The following PRKAR1B variants were observed in gnomAD, a reference collection of about 807,000 sequenced individuals.
PRKAR1B encodes cAMP-dependent protein kinase type I-beta regulatory subunit.
PRKAR1B carries 22 observed loss-of-function variants against 46.5 expected under a neutral mutation model. That is an observed-to-expected ratio of 0.47 (90% CI 0.34 to 0.68). PRKAR1B has a LOEUF of 0.68. Among genes scored for constraint, PRKAR1B ranks in the 30% least tolerant of loss-of-function variants. The pLI, the probability that PRKAR1B is intolerant of heterozygous loss-of-function variation, is 0.01. For missense variants in PRKAR1B, 445 were observed against 535.6 expected (o/e 0.83, Z 1.67); for synonymous variants, 259 against 217.7 (o/e 1.19, Z -1.67).
At chr7:601,179 C>T (rs975412215) in intron 6 of PRKAR1B, among the ~76,000 whole-genome samples, 7 of 152,198 alleles carry the variant, frequency 4.6e-5, no homozygotes, top group East Asian at 1.9e-4. Context: ...CCACGGCAAA[C>T]GGCCGTCCCT....
intron 4 of PRKAR1B, among the ~76,000 whole-genome samples, chr7:649,560 C>T (rs1034147954): frequency 1.3e-5 from 2 of 151,800 alleles, no homozygotes; most frequent in African/African-American, 4.8e-5. Flanking sequence ...TATGTAGCGC[C>T]TTATTTATTT....
intron 8 of PRKAR1B, among the ~76,000 whole-genome samples, chr7:584,246 C>T (rs138133555): frequency 1.1e-3 from 172 of 152,318 alleles, no homozygotes; most frequent in African/African-American, 4.0e-3. Context: ...ACAGGAAACG[C>T]ACAGGATGGC....
At chr7:630,901 G>A (rs1053424910) in intron 4 of PRKAR1B, among the ~76,000 whole-genome samples, 5 of 151,938 alleles carry the variant, frequency 3.3e-5, no homozygotes, top group Admixed American at 3.3e-4. Context: ...AAACTCAGAA[G>A]CTCCCTGACC....
At chr7:620,017 CTT>C (rs71016891) in intron 4 of PRKAR1B, among the ~76,000 whole-genome samples, 1,534 of 130,946 alleles carry the variant, frequency 0.012, 14 homozygotes, top group South Asian at 0.019. Context: ...TACCCAGCTA[CTT>C]TTTTTTTTTT....
chr7:582,056 C>T (rs1331923419), intron 8 of PRKAR1B, among the ~76,000 whole-genome samples: 2 of 152,244 alleles, frequency 1.3e-5, no homozygotes, highest in Non-Finnish European at 2.9e-5. Context: ...CATCCCCATT[C>T]ACCATGTAAA....
rs1457911742 is a variant in PRKAR1B, at chr7:726,737, T to C, written c.-23+473A>G. Reference sequence around the variant, plus strand: ...GCGGGCAAGATGGCGGCGCTGGGGGTGGCGGAGGCCGTGGCGGCCCCACAC... The same window carrying C: ...GCGGGCAAGATGGCGGCGCTGGGGGCGGCGGAGGCCGTGGCGGCCCCACAC... On this transcript the variant is annotated intron_variant, in intron 1 of 10. Transcript: ENST00000537384. 1.9e-5 allele frequency: 24 copies of C among 1,243,146 alleles called. No individual in the cohort carries two copies. Among genetic ancestry groups the C allele is most frequent in the African/African-American group, 3.1e-5 (2 of 64,300 alleles). The allele number at this position is 1,243,146 out of a possible 1,614,324, so 77.0% of individuals were successfully genotyped here.
intron 9 of PRKAR1B, among the ~76,000 whole-genome samples, chr7:568,883 G>A (rs1284638073): frequency 3.3e-5 from 5 of 152,090 alleles, no homozygotes; most frequent in East Asian, 3.9e-4. Flanking sequence ...GCGGTGCCCC[G>A]AGATACGGGT....
intron 2 of PRKAR1B, among the ~76,000 whole-genome samples, chr7:709,636 C>T (rs534785063): frequency 6.6e-6 from 1 of 152,242 alleles, no homozygotes; most frequent in South Asian, 2.1e-4. Flanking sequence ...TCCCAAAGTG[C>T]TGGGATTACA....
intron 6 of PRKAR1B, among the ~76,000 whole-genome samples, chr7:597,728 G>A (rs1461909354): frequency 6.6e-6 from 1 of 152,208 alleles, no homozygotes; most frequent in Non-Finnish European, 1.5e-5. Context: ...GAAGCCGGGG[G>A]AAGGGCCTGC....
chr7:656,687 G>T (rs1161800048), intron 4 of PRKAR1B, among the ~76,000 whole-genome samples: 1 of 152,216 alleles, frequency 6.6e-6, no homozygotes, highest in Admixed American at 6.5e-5. Context: ...ATGGATTCAT[G>T]AGTGAATGGA....
Position 615,235 on chromosome 7 carries a change from C to T in PRKAR1B, c.441-7783G>A, listed in dbSNP as rs1161429920. Reference sequence around the variant, plus strand: ...GGTCGGAAGATCGAGACCATCCTGGCTAACATGGTGAAACCCCGTCTCTAC... The same window carrying T: ...GGTCGGAAGATCGAGACCATCCTGGTTAACATGGTGAAACCCCGTCTCTAC... On this transcript the variant is annotated intron_variant, in intron 4 of 10. Transcript: ENST00000537384. 2.7e-5 allele frequency among the ~76,000 whole-genome samples: 4 copies of T among 150,296 alleles called. 1 individual carries two copies. Among genetic ancestry groups the T allele is most frequent in the Admixed American group, 2.7e-4 (4 of 15,048 alleles).
chr7:582,713 G>A (rs1480960149), intron 8 of PRKAR1B, among the ~76,000 whole-genome samples: 1 of 152,206 alleles, frequency 6.6e-6, no homozygotes, highest in Non-Finnish European at 1.5e-5. Context: ...CCGTTGTCTC[G>A]ACAGCGCTGG....
At chr7:554,962 G>C (rs9801485) in intron 9 of PRKAR1B, among the ~76,000 whole-genome samples, 1 of 152,282 alleles carries the variant, frequency 6.6e-6, no homozygotes, top group East Asian at 1.9e-4. Context: ...GGAGGTGCAA[G>C]GTCCTCAATC....
Position 666,711 on chromosome 7 carries a change from G to A in PRKAR1B, c.440+10518C>T, listed in dbSNP as rs1163236596. On this transcript the variant is annotated intron_variant, in intron 4 of 10. Transcript: ENST00000537384. This position sits in a 1 kb window ranked among gnomAD's most constrained non-coding sequence, Gnocchi z 4.9. ...TCCTGCTGACTGTGGGTGCTGGGAG[G>A]CCCGGAGCGGCCTATTCACCAACTC... Among the ~76,000 whole-genome samples the A allele has an allele frequency of 6.6e-6, 1 of 152,214 alleles. No individual in the cohort carries two copies. Among genetic ancestry groups the A allele is most frequent in the Non-Finnish European group, 1.5e-5 (1 of 68,034 alleles).
Position 641,526 on chromosome 7 carries a change from A to C in PRKAR1B, c.441-34074T>G, listed in dbSNP as rs114769774. ...TGCCGTATTGTTCATAATAGCTCCAAACTGAAAACAACCCAGATGACGCCG... is the reference window on the plus strand; with the variant it reads ...TGCCGTATTGTTCATAATAGCTCCACACTGAAAACAACCCAGATGACGCCG... On this transcript the variant is annotated intron_variant, in intron 4 of 10. Coordinates refer to ENST00000537384, the MANE Select transcript of PRKAR1B (RefSeq NM_001164760.2). Among the ~76,000 whole-genome samples, 545 of 152,322 alleles carry C rather than the reference A, an allele frequency of 3.6e-3. 4 individuals carry two copies. Among genetic ancestry groups the C allele is most frequent in the African/African-American group, 0.012 (514 of 41,564 alleles).
At chr7:641,531 A>C (rs1436241198) in intron 4 of PRKAR1B, among the ~76,000 whole-genome samples, 1 of 152,114 alleles carries the variant, frequency 6.6e-6, no homozygotes, top group African/African-American at 2.4e-5. Context: ...CTCCAAACTG[A>C]AAACAACCCA....
chr7:680,454 C>T, intron 3 of PRKAR1B, 102 bp downstream of exon 3: 1 of 1,196,166 alleles, frequency 8.4e-7, no homozygotes, highest in Non-Finnish European at 1.1e-6. Flanking sequence ...ACACTGAGAC[C>T]CCCAGGAGGA....
intron 7 of PRKAR1B, among the ~76,000 whole-genome samples, chr7:591,380 A>G (rs9719489): frequency 0.78 from 118,723 of 152,262 alleles, 46,615 homozygotes; most frequent in South Asian, 0.91. Flanking sequence ...ATTTCCAGGT[A>G]CAGGGCTTCC....
chr7:573,219 C>A (rs1302931255), intron 9 of PRKAR1B, among the ~76,000 whole-genome samples: 1 of 152,230 alleles, frequency 6.6e-6, no homozygotes, highest in Non-Finnish European at 1.5e-5. Flanking sequence ...CAAGGAGACC[C>A]TTTCAAATAC....
Sources: allele counts gnomAD v4.1 joint callset (sites outside exome capture counted in the v4.1 genomes callset), GRCh38; gene constraint gnomAD v4.1.1; non-coding constraint Gnocchi (gnomAD v3.1); transcripts MANE v1.5; gene names NCBI Gene and HGNC (gene_info 2026-07-23, HGNC 2026-07-21).